Variants in COL6A3 observed in about 807,000 individuals in gnomAD.
COL6A3 encodes the protein collagen alpha-3(VI) chain.
Under a neutral mutation model 274.1 loss-of-function variants are expected in COL6A3, and 137 were observed. That is an observed-to-expected ratio of 0.50 (90% CI 0.44 to 0.58). The LOEUF (loss-of-function observed/expected upper bound fraction) is 0.58, where lower values mean the gene tolerates loss of function less well. COL6A3 is among the 20% of genes least tolerant of loss of function. The pLI is 0.00. For missense variants in COL6A3, 3,950 were observed against 4,124.9 expected, an observed-to-expected ratio of 0.96 and a Z score of 1.16; for synonymous variants, 1,650 against 1,650.6, an observed-to-expected ratio of 1.00 and a Z score of 0.01.
intron 5 of COL6A3, 44 bp from the exon 6 acceptor site, chr2:237,379,279 GGA>G (rs779967898): frequency 6.2e-7 from 1 of 1,613,274 alleles, no homozygotes; most frequent in African/African-American, 1.3e-5. Flanking sequence ...ACACAACCAC[GGA>G]GAGTTTTATC....
At chr2:237,388,410 C>T (rs986836217) in intron 3 of COL6A3, among the ~76,000 whole-genome samples, 1 of 152,188 alleles carries the variant, frequency 6.6e-6, no homozygotes, top group African/African-American at 2.4e-5. Context: ...ACATTTATAG[C>T]AATTTTTCAT....
Position 237,413,376 on chromosome 2 carries a change from G to A in COL6A3, c.-31+577C>T, listed in dbSNP as rs11884033. Among the ~76,000 whole-genome samples, 3,330 of 152,290 alleles carry A rather than the reference G, an allele frequency of 0.022. 118 individuals carry two copies. The highest frequency in any genetic ancestry group is 0.076 in the African/African-American group (3,173 of 41,548). Reference sequence around the variant, plus strand: ...GAAAGCTTGACGGCAATGACTGAGCGACCCTTTACTTGGCCCTGATCCTGA... The same window carrying A: ...GAAAGCTTGACGGCAATGACTGAGCAACCCTTTACTTGGCCCTGATCCTGA... On this transcript the variant is annotated intron_variant, in intron 1 of 43. Coordinates refer to ENST00000295550, the MANE Select transcript of COL6A3 (RefSeq NM_004369.4). This position sits in a 1 kb window ranked among gnomAD's most constrained non-coding sequence, Gnocchi z 4.0.
intron 1 of COL6A3, among the ~76,000 whole-genome samples, chr2:237,398,944 T>C (rs1466907046): frequency 6.6e-6 from 1 of 152,226 alleles, no homozygotes; most frequent in South Asian, 2.1e-4. Context: ...CAGTTTTTCA[T>C]AATTTTTCAT....
At chr2:237,369,280 T>C (rs2077629431) in intron 9 of COL6A3, 103 bp from the exon 10 acceptor site, 2 of 1,453,088 alleles carry the variant, frequency 1.4e-6, no homozygotes, top group Non-Finnish European at 1.9e-6. Flanking sequence ...CTTAAGATTA[T>C]ATCCCAAGAT....
intron 4 of COL6A3, among the ~76,000 whole-genome samples, chr2:237,386,845 C>G (rs961795254): frequency 3.3e-5 from 5 of 152,190 alleles, no homozygotes; most frequent in Admixed American, 6.5e-5. Flanking sequence ...GGCTATGCAT[C>G]CTGATGCCCC....
At chr2:237,357,444 G>C (rs1024228916) in intron 22 of COL6A3, 53 bp from the exon 23 acceptor site, 5 of 1,466,644 alleles carry the variant, frequency 3.4e-6, no homozygotes, top group Non-Finnish European at 2.9e-6. Context: ...AGAATGTCTA[G>C]CTCTGAAATG....
In COL6A3 at chr2:237,360,100, C is replaced by A. The variant is rs778766709; in HGVS notation, c.6270G>T (p.Gln2090His). Residue 2090 changes from glutamine (Q) to histidine (H), a missense_variant, in exon 17 of 44, where the codon CAG (glutamine) becomes CAT (histidine). Gln to His is a conservative substitution (Grantham distance 24). This residue lies in a region of COL6A3 where 92 missense variants were observed against 143.4 expected (regional missense o/e 0.64). Transcript: ENST00000295550. The part of the protein sequence containing the change: ...GTQGFQGCPG[Q>H]RGVKGSRGFP... The stretch of plus-strand genomic sequence containing the variant: ...ACCCACGCCTCACCTTTACTCCTCT[C>A]TGGCCCGGGCAGCCCTGGAAACCTT... 3.1e-6 allele frequency: 5 copies of A among 1,614,082 alleles called. No individual in the cohort carries two copies. The Admixed American group carries it at 8.3e-5, about 27-fold the overall frequency.
At chr2:237,392,537 C>T (rs1436214960) in intron 3 of COL6A3, among the ~76,000 whole-genome samples, 1 of 152,210 alleles carries the variant, frequency 6.6e-6, no homozygotes, top group Non-Finnish European at 1.5e-5. Flanking sequence ...TACCTCCTGT[C>T]CCAGTGGCCA....
intron 40 of COL6A3, 107 bp from the exon 41 acceptor site, chr2:237,334,996 T>C (rs1700460051): frequency 7.2e-7 from 1 of 1,388,136 alleles, no homozygotes; most frequent in African/African-American, 1.4e-5. Flanking sequence ...ACAAATTGAC[T>C]TGAAATTTAG....
At chr2:237,388,325 T>G in intron 3 of COL6A3, 141 bp from the exon 4 acceptor site, 4 of 1,014,342 alleles carry the variant, frequency 3.9e-6, no homozygotes, top group Non-Finnish European at 5.9e-6. Flanking sequence ...GATGAAGGAA[T>G]GTGAAATTCT....
chr2:237,355,050 C>A, intron 23 of COL6A3, 116 bp from the exon 24 acceptor site: 1 of 948,792 alleles, frequency 1.1e-6, no homozygotes, highest in Non-Finnish European at 1.6e-6. Context: ...GGAATCTTCC[C>A]AAGCACCCAC....
chr2:237,350,899 G>A (rs2077192285), intron 27 of COL6A3, among the ~76,000 whole-genome samples: 1 of 152,258 alleles, frequency 6.6e-6, no homozygotes, highest in South Asian at 2.1e-4. Flanking sequence ...CCAGGAGAAA[G>A]CCAGCCCTCT....
At chr2:237,399,818 C>T (rs569393864) in intron 1 of COL6A3, among the ~76,000 whole-genome samples, 9 of 152,312 alleles carry the variant, frequency 5.9e-5, no homozygotes, top group Admixed American at 3.9e-4. Flanking sequence ...CAAATATCTG[C>T]TCTCTCGGAC....
intron 40 of COL6A3, 57 bp from the exon 41 acceptor site, chr2:237,334,946 C>A: frequency 6.3e-7 from 1 of 1,598,292 alleles, no homozygotes; most frequent in South Asian, 1.1e-5. Context: ...GACTGTAGTG[C>A]ATGAGCGAGA....
In COL6A3 at chr2:237,334,739, G is replaced by A. The variant is rs116655315; in HGVS notation, c.9116C>T (p.Thr3039Met). Residue 3039 changes from threonine (T) to methionine (M), a missense_variant, in exon 41 of 44, where the codon ACG becomes ATG. Physicochemically the swap from Thr to Met is moderately conservative, Grantham distance 81. Transcript: ENST00000295550. ...DQSLVLKQNL[T>M]VTDRVIGGLL... ...GCCTCCAATGACGCGGTCCGTGACCGTGAGGTTCTGCTTCAGAACCAGGGA... is the reference window on the plus strand; with the variant it reads ...GCCTCCAATGACGCGGTCCGTGACCATGAGGTTCTGCTTCAGAACCAGGGA... 8.1e-5 allele frequency: 130 copies of A among 1,614,108 alleles called. No individual in the cohort carries two copies. Among genetic ancestry groups the A allele is most frequent in the Admixed American group, 3.5e-4 (21 of 60,018 alleles).
chr2:237,365,635 C>T, intron 12 of COL6A3, 63 bp downstream of exon 12: 1 of 1,431,408 alleles, frequency 7.0e-7, no homozygotes, highest in Non-Finnish European at 9.9e-7. Context: ...GAAGGGCTTC[C>T]TCCTTTCCAG....
intron 24 of COL6A3, 36 bp downstream of exon 24, chr2:237,354,863 G>A (rs2077282689): frequency 6.2e-7 from 1 of 1,604,414 alleles, no homozygotes; most frequent in Admixed American, 1.7e-5. Context: ...TGGGCTGTTT[G>A]AAGAGAGTCT....
At chr2:237,359,183 G>A (rs1367642927) in intron 19 of COL6A3, 23 bp downstream of exon 19, 1 of 1,614,008 alleles carries the variant, frequency 6.2e-7, no homozygotes, top group African/African-American at 1.3e-5. Flanking sequence ...AAAGCAGTTT[G>A]GACTTAGAGT....
intron 1 of COL6A3, among the ~76,000 whole-genome samples, chr2:237,408,789 C>T (rs535407346): frequency 6.6e-6 from 1 of 152,320 alleles, no homozygotes; most frequent in East Asian, 1.9e-4. Flanking sequence ...TAGGATCATA[C>T]TATGCTGAAT....
Sources: gnomAD v4.1 joint callset for allele counts (sites outside exome capture counted in the v4.1 genomes callset) on GRCh38, gnomAD v4.1.1 for gene constraint, gnomAD v4.1.1 regional missense constraint, Gnocchi (gnomAD v3.1) non-coding constraint, MANE v1.5 for transcripts, NCBI Gene and HGNC (gene_info 2026-07-23, HGNC 2026-07-21) for gene names.